PMPCB: variants seen among roughly 807,000 people sequenced by gnomAD.
The protein encoded by PMPCB is mitochondrial-processing peptidase subunit beta.
A neutral mutation model predicts 61.5 loss-of-function variants in PMPCB; 46 were observed. That is an observed-to-expected ratio of 0.75 (90% CI 0.59 to 0.96). The LOEUF is 0.96. Ranked by LOEUF, PMPCB falls within the 40% of genes least tolerant of loss-of-function variation. PMPCB has a pLI of 0.00. For synonymous variants in PMPCB, 191 were observed against 201.6 expected, an observed-to-expected ratio of 0.95 and a Z score of 0.44; for missense variants, 590 against 602.4, an observed-to-expected ratio of 0.98 and a Z score of 0.22.
intron 6 of PMPCB, among the ~76,000 whole-genome samples, chr7:103,307,276 G>C (rs957820449): frequency 2.6e-5 from 4 of 152,038 alleles, no homozygotes; most frequent in Admixed American, 6.6e-5. Flanking sequence ...TTTTTTGCTA[G>C]TTTGGATCCC....
the PMPCB span, among the ~76,000 whole-genome samples, chr7:103,334,585 G>A: frequency 1.4e-5 from 2 of 143,560 alleles, no homozygotes; most frequent in African/African-American, 2.6e-5. Flanking sequence ...AAAAAAAAAA[G>A]AAAAGAAATC....
downstream of PMPCB, chr7:103,316,889 T>A (rs1359440889): frequency 9.9e-6 from 16 of 1,614,022 alleles, no homozygotes; most frequent in Non-Finnish European, 1.4e-5. Flanking sequence ...GTAGATCATC[T>A]TCTGACCAAT....
intron 12 of PMPCB, chr7:103,319,774 T>A: frequency 6.2e-7 from 1 of 1,614,176 alleles, no homozygotes; most frequent in South Asian, 1.1e-5. Flanking sequence ...TTCAAGCCGA[T>A]CACAAAGTTT....
At chr7:103,319,585 A>AG, downstream of PMPCB, 1 of 1,609,388 alleles carries the variant, frequency 6.2e-7, no homozygotes, top group South Asian at 1.1e-5. Context: ...ACATATAGGT[A>AG]GGAGTGATGT....
Position 103,312,220 on chromosome 7 carries a change from A to G in PMPCB, c.1419A>G (p.Gln473=), listed in dbSNP as rs1256354784. ...TTTAATCCTTAGGTCCCATTAAGCA[A>G]CTACCAGATTTTAAACAGATACGCA... is the stretch of plus-strand genomic sequence containing the variant. ...PAIAAVGPIK[Q]LPDFKQIRSN... Residue 473 remains glutamine (Q), a synonymous_variant, in exon 13 of 13, where the codon CAA becomes CAG. Coordinates refer to ENST00000249269, the MANE Select transcript of PMPCB (RefSeq NM_004279.3). 1.2e-6 allele frequency: 2 copies of G among 1,613,474 alleles called. No homozygotes were observed. Among genetic ancestry groups the G allele is most frequent in the African/African-American group, 1.3e-5 (1 of 74,936 alleles).
downstream of PMPCB, among the ~76,000 whole-genome samples, chr7:103,331,930 T>C (rs1472317025): frequency 3.3e-5 from 5 of 152,202 alleles, no homozygotes; most frequent in Non-Finnish European, 7.3e-5. Context: ...GAAATCTCCA[T>C]ACTAATTTGC....
Position 103,313,337 on chromosome 7 carries a change from G to T in PMPCB, c.*1066G>T. 1 of 1,264,938 alleles carries T rather than the reference G, an allele frequency of 7.9e-7. No individual in the cohort carries two copies. Among genetic ancestry groups the T allele is most frequent in the South Asian group, 2.4e-5 (1 of 41,258 alleles). The allele number at this position is 1,264,938 out of a possible 1,614,324, so 78.4% of individuals were successfully genotyped here. ...AAGGCTTTTAAAACACAATAGTAAAGATCTACCTTGTACTGTTTATCTCTT... is the reference window on the plus strand; with the variant it reads ...AAGGCTTTTAAAACACAATAGTAAATATCTACCTTGTACTGTTTATCTCTT... On this transcript the variant is annotated 3_prime_UTR_variant, in exon 13 of 13. Transcript: ENST00000249269.
chr7:103,298,599 G>A lies in PMPCB; in HGVS notation c.131G>A (p.Ser44Asn), dbSNP rs778705385. ...TATTTTGGAGAGAACAGATTAAGAAGTACACAGGCTGCTACCCAAGTTGTT... is the reference window on the plus strand; with the variant it reads ...TATTTTGGAGAGAACAGATTAAGAAATACACAGGCTGCTACCCAAGTTGTT... ...SLYFGENRLR[S>N]TQAATQVVLN... Residue 44 changes from serine to asparagine, a missense_variant, in exon 2 of 13, where the codon AGT becomes AAT. Transcript: ENST00000249269. The A allele has an allele frequency of 2.2e-5, 35 of 1,613,932 alleles. No individual in the cohort carries two copies. The highest frequency in any genetic ancestry group is 3.0e-5 in the Non-Finnish European group (35 of 1,179,928).
At chr7:103,329,074 C>A in exon 13 of PMPCB, 1 of 997,628 alleles carries the variant, frequency 1.0e-6, no homozygotes, top group Non-Finnish European at 1.3e-6. Context: ...TTGTGATTAT[C>A]GCTGGTGGTC....
At chr7:103,344,456 A>C in the PMPCB span, 2 of 1,327,350 alleles carry the variant, frequency 1.5e-6, no homozygotes, top group Non-Finnish European at 2.2e-6. Context: ...CCCCGGGGCT[A>C]GTCGCCAGGG....
chr7:103,329,396 T>C (rs1818873875), exon 13 of PMPCB: 1 of 153,308 alleles, frequency 6.5e-6, no homozygotes, highest in Admixed American at 6.5e-5. Flanking sequence ...TCAGCCTGCG[T>C]CTGTATGCTG....
rs1370112232 is a variant in PMPCB, at chr7:103,304,003, C to A, written c.619C>A (p.Leu207Ile). 6.2e-7 allele frequency: 1 copy of A among 1,613,714 alleles called. No homozygotes were observed. The highest frequency in any genetic ancestry group is 8.5e-7 in the Non-Finnish European group (1 of 1,179,804). The change falls in exon 5 of 13, where the codon CTT becomes ATT. Residue 207 changes from leucine (L) to isoleucine (I), a missense_variant. Leu to Ile is a conservative substitution (Grantham distance 5). Transcript: ENST00000249269. The stretch of plus-strand genomic sequence containing the variant: ...TGCCACAGCTTATCAAAATACTGCA[C>A]TTGGACGGACAATTTTGGGACCAAC... The part of the protein sequence containing the change: ...LHATAYQNTA[L>I]GRTILGPTEN...
In PMPCB at chr7:103,314,310, A is replaced by T. The variant is rs1443237793; in HGVS notation, c.*2039A>T. The stretch of plus-strand genomic sequence containing the variant: ...TTAAACGTACTGTTGCAAAACTCCT[A>T]TGAGAAATCACTATTCAAAAAATGG... On this transcript the variant is annotated 3_prime_UTR_variant, in exon 13 of 13. Transcript: ENST00000249269. 1 of 985,308 alleles carries T rather than the reference A, an allele frequency of 1.0e-6. No individual in the cohort carries two copies. Among genetic ancestry groups the T allele is most frequent in the Non-Finnish European group, 1.2e-6 (1 of 829,924 alleles). The allele number at this position is 985,308 out of a possible 1,614,324, so 61.0% of individuals were successfully genotyped here. A position where few individuals can be genotyped will look rare whatever the true frequency, so the allele number is the denominator to read the frequency against.
downstream of PMPCB, among the ~76,000 whole-genome samples, chr7:103,331,886 G>A (rs960436249): frequency 1.3e-5 from 2 of 152,106 alleles, no homozygotes; most frequent in Non-Finnish European, 2.9e-5. Flanking sequence ...TGGGAACGCT[G>A]GGCTATATGT....
downstream of PMPCB, among the ~76,000 whole-genome samples, chr7:103,331,711 T>C (rs1586102561): frequency 6.6e-6 from 1 of 152,222 alleles, no homozygotes; most frequent in African/African-American, 2.4e-5. Flanking sequence ...GGCTGAGTGG[T>C]ATCCCATTGT....
the PMPCB span, among the ~76,000 whole-genome samples, chr7:103,340,838 A>G: frequency 6.6e-6 from 1 of 152,128 alleles, no homozygotes; most frequent in African/African-American, 2.4e-5. Context: ...TCATAGACCA[A>G]TTTCTAACCA....
At chr7:103,327,397 T>C in intron 12 of PMPCB, 2 of 1,094,934 alleles carry the variant, frequency 1.8e-6, no homozygotes, top group South Asian at 1.3e-5. Flanking sequence ...ATGCAGATTT[T>C]AATCAGTAGG....
chr7:103,308,848 AT>A, intron 7 of PMPCB, 103 bp from the exon 8 acceptor site: 1 of 836,562 alleles, frequency 1.2e-6, no homozygotes, highest in African/African-American at 1.7e-5. Context: ...CCTGGTGTGC[AT>A]TTTAACTTTG....
At position 103,312,752 on chromosome 7, in the gene PMPCB, A is replaced by AT; in HGVS notation, c.*482dup. 1 of 1,530,292 alleles carries AT rather than the reference A, an allele frequency of 6.5e-7. No individual in the cohort carries two copies. The allele number at this position is 1,530,292 out of a possible 1,614,324, so 94.8% of individuals were successfully genotyped here. On this transcript the variant is annotated 3_prime_UTR_variant, in exon 13 of 13. Transcript: ENST00000249269. ...GCAACTAAGATAGATAGTACTAAAT[A>AT]TACTGATTTCATTATCTGCCAGGGC... is the stretch of plus-strand genomic sequence containing the variant.
Sources: allele counts gnomAD v4.1 joint callset (sites outside exome capture counted in the v4.1 genomes callset), GRCh38; gene constraint gnomAD v4.1.1; transcripts MANE v1.5; gene names NCBI Gene and HGNC (gene_info 2026-07-23, HGNC 2026-07-21).